ITGAV: variants seen among roughly 807,000 people sequenced by gnomAD.
ITGAV encodes integrin alpha-V.
Under a neutral mutation model 143.8 loss-of-function variants are expected in ITGAV, and 76 were observed. That is an observed-to-expected ratio of 0.53 (90% confidence interval 0.44 to 0.64). The LOEUF is 0.64. Among genes scored for constraint, ITGAV ranks in the 30% least tolerant of loss-of-function variants. ITGAV has a pLI of 0.00. For missense variants in ITGAV, 1,193 were observed against 1,274.7 expected (o/e 0.94, Z 0.98); for synonymous variants, 453 against 446.7 (o/e 1.01, Z -0.18).
At chr2:186,658,862 A>C (rs1688661299) in intron 17 of ITGAV, among the ~76,000 whole-genome samples, 176 bp from the exon 18 acceptor site, 1 of 152,182 alleles carries the variant, frequency 6.6e-6, no homozygotes, top group South Asian at 2.1e-4. Context: ...CTCTTACTTG[A>C]TAAGGATAAT....
At chr2:186,644,387 A>ACGATATCGG (rs1308176349) in intron 12 of ITGAV, among the ~76,000 whole-genome samples, 1 of 151,534 alleles carries the variant, frequency 6.6e-6, no homozygotes, top group Non-Finnish European at 1.5e-5. Context: ...GTGCAGTGGC[A>ACGATATCGG]CGATATCGGC....
At chr2:186,659,277 G>A in intron 18 of ITGAV, 102 bp downstream of exon 18, 2 of 795,012 alleles carry the variant, frequency 2.5e-6, no homozygotes, top group Non-Finnish European at 3.5e-6. Flanking sequence ...ATTGATAGAT[G>A]TTTAGTCAAA....
intron 29 of ITGAV, 75 bp from the exon 30 acceptor site, chr2:186,677,122 A>C: frequency 1.5e-6 from 2 of 1,364,536 alleles, no homozygotes; most frequent in East Asian, 4.8e-5. Flanking sequence ...CTTAGTGGTA[A>C]TATAGTCACC....
Position 186,654,630 on chromosome 2 carries a change from TG to T in ITGAV, c.1506-19del, listed in dbSNP as rs1358221284. ...TAAACTGAATTATAGAATTTATGTA[TG>T]TTTTTTATTTTTCCACAGTTTTAAT... is the stretch of plus-strand genomic sequence containing the variant. On this transcript the variant is annotated intron_variant, in intron 15 of 29. Transcript: ENST00000261023. 7.6e-7 allele frequency: 1 copy of T among 1,320,296 alleles called. No individual in the cohort carries two copies. Among genetic ancestry groups the T allele is most frequent in the African/African-American group, 1.5e-5 (1 of 68,302 alleles). The allele number at this position is 1,320,296 out of a possible 1,614,324, so 81.8% of individuals were successfully genotyped here.
intron 26 of ITGAV, among the ~76,000 whole-genome samples, chr2:186,670,754 A>G (rs937042896): frequency 3.3e-5 from 5 of 152,168 alleles, no homozygotes; most frequent in Non-Finnish European, 5.9e-5. Context: ...TGTGGTGTAG[A>G]TGCTTTGATT....
chr2:186,636,933 T>G, intron 7 of ITGAV, 132 bp from the exon 8 acceptor site: 1 of 697,630 alleles, frequency 1.4e-6, no homozygotes, highest in Non-Finnish European at 2.5e-6. Context: ...ATGAATCTGT[T>G]ATGACTAGGG....
intron 4 of ITGAV, among the ~76,000 whole-genome samples, 184 bp from the exon 5 acceptor site, chr2:186,630,613 G>A (rs1687790045): frequency 6.6e-6 from 1 of 151,980 alleles, no homozygotes; most frequent in African/African-American, 2.4e-5. Flanking sequence ...CCGTATCTGA[G>A]TAAATGGTGC....
chr2:186,665,413 C>A (rs558973388), intron 21 of ITGAV, among the ~76,000 whole-genome samples, 195 bp downstream of exon 21: 1 of 152,318 alleles, frequency 6.6e-6, no homozygotes, highest in African/African-American at 2.4e-5. Context: ...TGTGCTCCTA[C>A]ACGGTTTGCA....
chr2:186,634,460 G>A (rs1432276271), intron 6 of ITGAV, among the ~76,000 whole-genome samples: 2 of 152,000 alleles, frequency 1.3e-5, no homozygotes, highest in African/African-American at 2.4e-5. Context: ...CTTCTTTGTA[G>A]AAAACATGCT....
intron 26 of ITGAV, among the ~76,000 whole-genome samples, chr2:186,672,760 T>A (rs1165696086): frequency 6.6e-6 from 1 of 152,206 alleles, no homozygotes; most frequent in Admixed American, 6.5e-5. Context: ...ATTTTTAAAT[T>A]GGGTTATTTG....
intron 2 of ITGAV, among the ~76,000 whole-genome samples, chr2:186,620,374 C>T (rs1687487495): frequency 6.6e-6 from 1 of 152,108 alleles, no homozygotes; most frequent in South Asian, 2.1e-4. Context: ...AGTTTCCGGG[C>T]AAGAGGACCT....
intron 1 of ITGAV, among the ~76,000 whole-genome samples, chr2:186,593,028 A>G (rs1686657112): frequency 6.6e-6 from 1 of 152,144 alleles, no homozygotes; most frequent in South Asian, 2.1e-4. Flanking sequence ...GCCATTTCCA[A>G]TATTACCAGT....
Position 186,625,466 on chromosome 2 carries a change from A to G in ITGAV, c.409-7A>G, listed in dbSNP as rs1347620262. On this transcript the variant is annotated splice_region_variant and splice_polypyrimidine_tract_variant and intron_variant, in intron 3 of 29. Coordinates refer to ENST00000261023, the MANE Select transcript of ITGAV (RefSeq NM_002210.5). ...CTTCGTGTCGTGGACTAAACCTTTG[A>G]TTTTAGGCCTGTGCCCCATTGTACC... The G allele has an allele frequency of 1.3e-6, 2 of 1,599,228 alleles. No homozygotes were observed. Among genetic ancestry groups the G allele is most frequent in the African/African-American group, 1.3e-5 (1 of 74,596 alleles).
chr2:186,662,154 A>G (rs1688765285), intron 18 of ITGAV, among the ~76,000 whole-genome samples: 2 of 152,178 alleles, frequency 1.3e-5, no homozygotes, highest in African/African-American at 4.8e-5. Context: ...ATACTCATCT[A>G]ACATTCTAAC....
intron 1 of ITGAV, among the ~76,000 whole-genome samples, chr2:186,597,025 A>T (rs181807231): frequency 1.1e-4 from 16 of 152,350 alleles, no homozygotes; most frequent in African/African-American, 3.6e-4. Flanking sequence ...AAGTCTGCAC[A>T]TGAAGGTATG....
intron 4 of ITGAV, among the ~76,000 whole-genome samples, chr2:186,626,661 T>C (rs1253109637): frequency 6.6e-6 from 1 of 152,214 alleles, no homozygotes; most frequent in Non-Finnish European, 1.5e-5. Context: ...TAAACACTTA[T>C]TTTCTTAGCC....
intron 2 of ITGAV, among the ~76,000 whole-genome samples, chr2:186,619,328 C>T (rs1687458035): frequency 6.6e-6 from 1 of 151,962 alleles, no homozygotes; most frequent in Non-Finnish European, 1.5e-5. Context: ...TGCATGTTTT[C>T]AGTCATAGGT....
chr2:186,595,739 T>G (rs761227992), intron 1 of ITGAV, among the ~76,000 whole-genome samples: 4 of 152,132 alleles, frequency 2.6e-5, no homozygotes, highest in Non-Finnish European at 4.4e-5. Flanking sequence ...TTGGACATAC[T>G]TTTTGGAGGG....
At chr2:186,604,739 G>C (rs184089041) in intron 2 of ITGAV, among the ~76,000 whole-genome samples, 1 of 152,236 alleles carries the variant, frequency 6.6e-6, no homozygotes, top group Admixed American at 6.5e-5. Context: ...CTTCATATTT[G>C]TTTGTAAGCC....
Sources: allele counts gnomAD v4.1 joint callset (sites outside exome capture counted in the v4.1 genomes callset), GRCh38; gene constraint gnomAD v4.1.1; transcripts MANE v1.5; gene names NCBI Gene and HGNC (gene_info 2026-07-23, HGNC 2026-07-21).